Variants in CALCB observed in about 807,000 individuals in gnomAD.
CALCB encodes calcitonin related polypeptide beta, also known as calcitonin gene-related peptide 2.
In CALCB, 8 loss-of-function variants were observed where a neutral mutation model predicts 10.7. That is an observed-to-expected ratio of 0.75 (90% CI 0.44 to 1.34). The LOEUF is 1.34. CALCB is among the 40% of genes most tolerant of loss of function. CALCB has a pLI of 0.01. For missense variants in CALCB, 176 were observed against 162.5 expected (o/e 1.08, Z -0.45); for synonymous variants, 76 against 66.9 (o/e 1.14, Z -0.66).
At chr11:15,074,615 G>A (rs1291293349) in intron 1 of CALCB, 95 bp from the exon 2 acceptor site, 1 of 902,542 alleles carries the variant, frequency 1.1e-6, no homozygotes, top group Non-Finnish European at 1.8e-6. Flanking sequence ...GGCAGCTGAA[G>A]TAACGTGCCT....
chr11:15,077,272 A>C lies in CALCB; in HGVS notation c.225-14A>C, dbSNP rs1175771204. On this transcript the variant is annotated splice_polypyrimidine_tract_variant and intron_variant, in intron 3 of 4. Coordinates refer to ENST00000324229, the MANE Select transcript of CALCB (RefSeq NM_000728.4). ...CTCACAGGTCTTCTCTTCTTTCTCT[A>C]TCTTGCAAATCAGCTCCGCTGCCCA... 6.2e-7 allele frequency: 1 copy of C among 1,612,426 alleles called. No homozygotes were observed. Among genetic ancestry groups the C allele is most frequent in the Non-Finnish European group, 8.5e-7 (1 of 1,179,414 alleles).
At chr11:15,075,674 A>G (rs544040222) in intron 3 of CALCB, among the ~76,000 whole-genome samples, 2 of 152,282 alleles carry the variant, frequency 1.3e-5, no homozygotes, top group South Asian at 4.1e-4. Context: ...TTCATTTCAC[A>G]TTTGCAAGGT....
intron 1 of CALCB, among the ~76,000 whole-genome samples, chr11:15,073,948 G>C (rs1850371040): frequency 6.6e-6 from 1 of 152,258 alleles, no homozygotes; most frequent in South Asian, 2.1e-4. Flanking sequence ...TGGCGTTGGG[G>C]CCTGGCTGAG....
At chr11:15,074,909 A>C in intron 2 of CALCB, 105 bp downstream of exon 2, 8 of 1,366,670 alleles carry the variant, frequency 5.9e-6, no homozygotes, top group Non-Finnish European at 8.2e-6. Flanking sequence ...ATCAGTGCCC[A>C]CAGGTGGACC....
rs916122353 is a variant in CALCB, at chr11:15,078,236, G to A, written c.*179G>A. On this transcript the variant is annotated 3_prime_UTR_variant, in exon 5 of 5. Coordinates refer to ENST00000324229, the MANE Select transcript of CALCB (RefSeq NM_000728.4). The stretch of plus-strand genomic sequence containing the variant: ...AGGAATGAAACTGAATGCAAAATAA[G>A]CTAATTCCATATTTGCTGTGCATCA... The A allele has an allele frequency of 2.6e-5, 4 of 152,202 alleles. No individual in the cohort carries two copies. The highest frequency in any genetic ancestry group is 9.7e-5 in the African/African-American group (4 of 41,442). The allele number at this position is 152,202 out of a possible 1,614,324, so 9.4% of individuals were successfully genotyped here. A position where few individuals can be genotyped will look rare whatever the true frequency, so the allele number is the denominator to read the frequency against.
At chr11:15,074,860 C>A in intron 2 of CALCB, 56 bp downstream of exon 2, 2 of 1,498,984 alleles carry the variant, frequency 1.3e-6, no homozygotes, top group Non-Finnish European at 1.8e-6. Context: ...TAGGACCAGA[C>A]AGCTCTGTGC....
chr11:15,075,978 T>C (rs1037870267), intron 3 of CALCB, among the ~76,000 whole-genome samples: 1 of 152,052 alleles, frequency 6.6e-6, no homozygotes, highest in African/African-American at 2.4e-5. Flanking sequence ...CCTTCCTCAT[T>C]CAGCCCTTCT....
rs779250995 is a variant in CALCB at position 15,077,384 on chromosome 11, T to G, written c.323T>G (p.Phe108Cys). Residue 108 changes from phenylalanine (F) to cysteine (C), a missense_variant, in exon 4 of 5, where the codon TTC becomes TGC. By Grantham distance (205) the Phe-to-Cys change is radical. Coordinates refer to ENST00000324229, the MANE Select transcript of CALCB (RefSeq NM_000728.4). Reference protein sequence around the residue: ...SRSGGMVKSNFVPTNVGSKAF... With the variant: ...SRSGGMVKSNCVPTNVGSKAF... ...TCAGGGGGCATGGTGAAGAGCAACT[T>G]CGTGCCCACCAATGTGGGTTCCAAA... The G allele has an allele frequency of 6.2e-7, 1 of 1,614,236 alleles. No individual in the cohort carries two copies. The highest frequency in any genetic ancestry group is 1.7e-5 in the Admixed American group (1 of 60,030).
intron 3 of CALCB, among the ~76,000 whole-genome samples, chr11:15,076,557 G>A (rs1451954729): frequency 1.3e-5 from 2 of 152,222 alleles, no homozygotes. Flanking sequence ...AAGAAAATAA[G>A]GGAAGCTTCT....
chr11:15,074,943 G>T, intron 2 of CALCB, 118 bp from the exon 3 acceptor site: 1 of 1,432,006 alleles, frequency 7.0e-7, no homozygotes. Flanking sequence ...CGTCCCCTGG[G>T]AGTCGCGGTG....
Position 15,077,468 on chromosome 11 carries a change from A to T in CALCB, c.*23A>T, listed in dbSNP as rs1402944781. On this transcript the variant is annotated splice_region_variant and 3_prime_UTR_variant, in exon 4 of 5. Coordinates refer to ENST00000324229, the MANE Select transcript of CALCB (RefSeq NM_000728.4). ...TGAGCAGATGAATGACTCCAGGAAG[A>T]AGGTAACTACCCTAATGCTATGGGA... 6.2e-7 allele frequency: 1 copy of T among 1,613,530 alleles called. No homozygotes were observed. Among genetic ancestry groups the T allele is most frequent in the Non-Finnish European group, 8.5e-7 (1 of 1,179,848 alleles).
chr11:15,076,306 A>G (rs1445436447), intron 3 of CALCB, among the ~76,000 whole-genome samples: 5 of 152,204 alleles, frequency 3.3e-5, no homozygotes, highest in Admixed American at 3.3e-4. Flanking sequence ...AAGAATAGGG[A>G]CATAGTCAAC....
rs371940882 is a variant in CALCB, at chr11:15,075,209, C to T, written c.224+11C>T. Reference sequence around the variant, plus strand: ...GACACAGGGCTCCAGGTGAGGTTCCCCAAGCGCCCAGCACAGGGACTCCTC... The same window carrying T: ...GACACAGGGCTCCAGGTGAGGTTCCTCAAGCGCCCAGCACAGGGACTCCTC... On this transcript the variant is annotated intron_variant, in intron 3 of 4. Transcript: ENST00000324229. The T allele has an allele frequency of 3.1e-6, 5 of 1,613,922 alleles. No homozygotes were observed. The highest frequency in any genetic ancestry group is 4.2e-6 in the Non-Finnish European group (5 of 1,180,018).
At chr11:15,076,162 C>T (rs1850391629) in intron 3 of CALCB, among the ~76,000 whole-genome samples, 3 of 152,258 alleles carry the variant, frequency 2.0e-5, no homozygotes, top group South Asian at 4.2e-4. Context: ...CATGTCCTTC[C>T]CTTGCAGCTT....
intron 2 of CALCB, 81 bp from the exon 3 acceptor site, chr11:15,074,980 G>T: frequency 6.4e-7 from 1 of 1,560,912 alleles, no homozygotes; most frequent in Non-Finnish European, 8.8e-7. Flanking sequence ...AAGAAGCAGA[G>T]ACCAGGAAGC....
At chr11:15,077,550 T>A in intron 4 of CALCB, 80 bp downstream of exon 4, 2 of 1,349,818 alleles carry the variant, frequency 1.5e-6, no homozygotes, top group South Asian at 2.8e-5. Flanking sequence ...TCTGCTCTGG[T>A]AGGTTCTTTA....
Position 15,074,739 on chromosome 11 carries a change from C to T in CALCB, c.21C>T (p.Ser7=), listed in dbSNP as rs766953127. 4 of 1,614,126 alleles carry T rather than the reference C, an allele frequency of 2.5e-6. No homozygotes were observed. Among genetic ancestry groups the T allele is most frequent in the East Asian group, 4.5e-5 (2 of 44,874 alleles). Residue 7 remains serine (S), a synonymous_variant, in exon 2 of 5, where the codon TCC becomes TCT. Transcript: ENST00000324229. The part of the protein sequence containing the change: MGFRKF[S]PFLALSILVL... The stretch of plus-strand genomic sequence containing the variant: ...GCGGCATGGGTTTCCGGAAGTTCTC[C>T]CCCTTCCTGGCTCTCAGTATCTTGG...
At chr11:15,077,581 A>G (rs1017048221) in intron 4 of CALCB, 111 bp downstream of exon 4, 82 of 1,096,726 alleles carry the variant, frequency 7.5e-5, no homozygotes, top group Non-Finnish European at 3.9e-6. Flanking sequence ...GTCCAGTTAC[A>G]TTGTTCCTCC....
chr11:15,074,196 G>A (rs1455999256), intron 1 of CALCB, among the ~76,000 whole-genome samples: 2 of 152,258 alleles, frequency 1.3e-5, no homozygotes, highest in African/African-American at 2.4e-5. Flanking sequence ...CCGGCAGAGG[G>A]CTGGCTTTGC....
Sources: gnomAD v4.1 joint callset for allele counts (sites outside exome capture counted in the v4.1 genomes callset) on GRCh38, gnomAD v4.1.1 for gene constraint, MANE v1.5 for transcripts, NCBI Gene and HGNC (gene_info 2026-07-23, HGNC 2026-07-21) for gene names.